Variants in SYNDIG1 observed in about 807,000 individuals in gnomAD.
The protein encoded by SYNDIG1 is synapse differentiation-inducing gene protein 1.
In SYNDIG1, 9 loss-of-function variants were observed where a neutral mutation model predicts 19.4. That is an observed-to-expected ratio of 0.46 (90% CI 0.28 to 0.81). The LOEUF (loss-of-function observed/expected upper bound fraction) is 0.81, where lower values mean the gene tolerates loss of function less well. Among genes scored for constraint, SYNDIG1 ranks in the 30% least tolerant of loss-of-function variants. The pLI is 0.12. For synonymous variants in SYNDIG1, 141 were observed against 145.9 expected, an observed-to-expected ratio of 0.97 and a Z score of 0.24; for missense variants, 311 against 343.3, an observed-to-expected ratio of 0.91 and a Z score of 0.74.
chr20:24,500,539 T>C (rs1466934186), intron 1 of SYNDIG1, among the ~76,000 whole-genome samples: 1 of 150,356 alleles, frequency 6.7e-6, no homozygotes, highest in Non-Finnish European at 1.5e-5. Flanking sequence ...TCTTCTTTCT[T>C]TCTTTCTTTC....
chr20:24,535,498 A>T (rs550607306), intron 1 of SYNDIG1, among the ~76,000 whole-genome samples: 16 of 152,374 alleles, frequency 1.1e-4, no homozygotes, highest in African/African-American at 3.6e-4. Flanking sequence ...CCTTAATCAT[A>T]AACAGAGAGA....
chr20:24,661,486 A>AGGT (rs1600843552), intron 3 of SYNDIG1, among the ~76,000 whole-genome samples: 31 of 7,542 alleles, frequency 4.1e-3, no homozygotes, highest in African/African-American at 6.9e-3. Flanking sequence ...AAGAGGGAGG[A>AGGT]AGAAGGGAGG....
intron 1 of SYNDIG1, among the ~76,000 whole-genome samples, chr20:24,540,691 T>C (rs1343743770): frequency 6.6e-6 from 1 of 152,194 alleles, no homozygotes; most frequent in African/African-American, 2.4e-5. Flanking sequence ...GTTAATGTGG[T>C]GTATTACAAT....
At chr20:24,521,564 A>G (rs981689552) in intron 1 of SYNDIG1, among the ~76,000 whole-genome samples, 5 of 5,056 alleles carry the variant, frequency 9.9e-4, no homozygotes, top group East Asian at 1.6e-3. Flanking sequence ...CTATTTTCAT[A>G]TGGTTATTCT....
intron 1 of SYNDIG1, among the ~76,000 whole-genome samples, chr20:24,503,884 A>G (rs940662869): frequency 6.6e-6 from 1 of 151,830 alleles, no homozygotes; most frequent in Non-Finnish European, 1.5e-5. Context: ...TGACTTGTTG[A>G]ATGACTGGAT....
chr20:24,553,669 ATC>A (rs2057753917), intron 2 of SYNDIG1, among the ~76,000 whole-genome samples: 1 of 152,188 alleles, frequency 6.6e-6, no homozygotes, highest in Non-Finnish European at 1.5e-5. Context: ...ATTCATCTAT[ATC>A]TCTGATTTGG....
chr20:24,517,346 T>C (rs2056896102), intron 1 of SYNDIG1, among the ~76,000 whole-genome samples: 2 of 150,420 alleles, frequency 1.3e-5, no homozygotes, highest in Admixed American at 1.3e-4. Context: ...CCGGGTGTGG[T>C]GGCTCACGCC....
At chr20:24,589,542 T>C (rs1412228344) in intron 3 of SYNDIG1, among the ~76,000 whole-genome samples, 1 of 152,134 alleles carries the variant, frequency 6.6e-6, no homozygotes, top group East Asian at 1.9e-4. Context: ...CTTCACTCCA[T>C]CCCATGTGAT....
At chr20:24,538,459 A>AAATGGAGTT (rs374530637) in intron 1 of SYNDIG1, among the ~76,000 whole-genome samples, 1 of 151,904 alleles carries the variant, frequency 6.6e-6, no homozygotes, top group Non-Finnish European at 1.5e-5. Context: ...AGACTGAGCA[A>AAATGGAGTT]TACTCCATTG....
chr20:24,564,527 G>A (rs1295846820), intron 2 of SYNDIG1, among the ~76,000 whole-genome samples: 2 of 152,232 alleles, frequency 1.3e-5, no homozygotes, highest in African/African-American at 4.8e-5. Flanking sequence ...TTCTCAGTGT[G>A]CTGTACTGTT....
In SYNDIG1 at chr20:24,483,240, A is replaced by G. The variant is rs2055848492; in HGVS notation, c.-79+13487A>G. On this transcript the variant is annotated intron_variant, in intron 1 of 3. Transcript: ENST00000376862. ...GTCCAAGCCGTGGGCACTCACACGC[A>G]TGCAGAGAAAGGTGTGCATGTGTGG... Among the ~76,000 whole-genome samples, 4 of 152,198 alleles carry G rather than the reference A, an allele frequency of 2.6e-5. No homozygotes were observed. In the South Asian group the frequency reaches 8.3e-4, roughly 32 times the overall value.
chr20:24,476,774 C>A (rs1316524224), intron 1 of SYNDIG1, among the ~76,000 whole-genome samples: 1 of 152,172 alleles, frequency 6.6e-6, no homozygotes, highest in Non-Finnish European at 1.5e-5. Flanking sequence ...CTGGAAGCCT[C>A]TCCTAACTGC....
chr20:24,665,262 A>G, intron 3 of SYNDIG1, 84 bp from the exon 4 acceptor site: 2 of 1,494,748 alleles, frequency 1.3e-6, no homozygotes, highest in African/African-American at 2.8e-5. Context: ...CTTTTTCTGA[A>G]TCAGGAGCCG....
chr20:24,482,274 G>A (rs1254744895), intron 1 of SYNDIG1, among the ~76,000 whole-genome samples: 3 of 152,302 alleles, frequency 2.0e-5, no homozygotes, highest in Non-Finnish European at 4.4e-5. Flanking sequence ...TGTGATCTCT[G>A]CTCACTGCAA....
intron 1 of SYNDIG1, among the ~76,000 whole-genome samples, chr20:24,518,899 A>T (rs532881661): frequency 5.3e-5 from 8 of 152,306 alleles, no homozygotes; most frequent in Non-Finnish European, 1.0e-4. Context: ...GCAACCACAG[A>T]CACACCCCGA....
intron 3 of SYNDIG1, among the ~76,000 whole-genome samples, chr20:24,632,738 A>C (rs547765877): frequency 6.6e-6 from 1 of 152,148 alleles, no homozygotes; most frequent in East Asian, 1.9e-4. Flanking sequence ...GCTTCCCTTC[A>C]AGTATTTAGT....
rs56088250 is a variant in SYNDIG1, at chr20:24,475,540, G to A, written c.-79+5787G>A. Among the ~76,000 whole-genome samples, 567 of 152,280 alleles carry A rather than the reference G, an allele frequency of 3.7e-3. 2 individuals carry two copies. Among genetic ancestry groups the A allele is most frequent in the Non-Finnish European group, 4.8e-3 (328 of 68,028 alleles). Reference sequence around the variant, plus strand: ...AGTTGAAATGTGATAGGTAGTGTGCGTGGTTTCTGACATGCTGTCTAAGCA... The same window carrying A: ...AGTTGAAATGTGATAGGTAGTGTGCATGGTTTCTGACATGCTGTCTAAGCA... On this transcript the variant is annotated intron_variant, in intron 1 of 3. Coordinates refer to ENST00000376862, the MANE Select transcript of SYNDIG1 (RefSeq NM_024893.3).
At chr20:24,547,304 G>C (rs564917517) in intron 2 of SYNDIG1, among the ~76,000 whole-genome samples, 1 of 152,366 alleles carries the variant, frequency 6.6e-6, no homozygotes, top group Non-Finnish European at 1.5e-5. Context: ...GAAGAGGTCG[G>C]CCTGTCTGAC....
chr20:24,574,810 A>G (rs1466339245), intron 2 of SYNDIG1, among the ~76,000 whole-genome samples: 1 of 152,226 alleles, frequency 6.6e-6, no homozygotes, highest in African/African-American at 2.4e-5. Context: ...CTACACACAG[A>G]GGTGAATCTT....
Sources: allele counts gnomAD v4.1 joint callset (sites outside exome capture counted in the v4.1 genomes callset), GRCh38; gene constraint gnomAD v4.1.1; transcripts MANE v1.5; gene names NCBI Gene and HGNC (gene_info 2026-07-23, HGNC 2026-07-21).